The following TNIK variants were observed in gnomAD, a reference collection of about 807,000 sequenced individuals.
The protein encoded by TNIK is TRAF2 and NCK interacting kinase.
TNIK carries 49 observed loss-of-function variants against 191.3 expected under a neutral mutation model. That is an observed-to-expected ratio of 0.26 (90% confidence interval 0.20 to 0.32). The LOEUF is 0.32. Ranked by LOEUF, TNIK falls within the 10% of genes least tolerant of loss-of-function variation. The pLI is 1.00. For missense variants in TNIK, 1,155 were observed against 1,702.3 expected (o/e 0.68, Z 5.66); for synonymous variants, 594 against 600.9 (o/e 0.99, Z 0.17).
intron 2 of TNIK, among the ~76,000 whole-genome samples, chr3:171,279,929 T>A (rs1750231128): frequency 6.6e-6 from 1 of 152,148 alleles, no homozygotes; most frequent in African/African-American, 2.4e-5. Context: ...CCCCCAGGTA[T>A]CAGTACATAC....
chr3:171,323,855 A>G (rs1253131499), intron 2 of TNIK, among the ~76,000 whole-genome samples: 1 of 152,114 alleles, frequency 6.6e-6, no homozygotes, highest in Non-Finnish European at 1.5e-5. Flanking sequence ...TCTGATTAAG[A>G]TGGTATCTCC....
At position 171,085,158 on chromosome 3, in the gene TNIK, G is replaced by A; in HGVS notation, c.2958C>T (p.Pro986=). Residue 986 remains proline (P), a synonymous_variant, in exon 25 of 33, where the codon CCC becomes CCT. Transcript: ENST00000436636. ...CCTCATCCTCTTCATCTTCATCAGT[G>A]GGAGACGTCTGGTATACTCTGGGGT... ...FVDPRVYQTS[P]TDEDEEDEES... 6.2e-7 allele frequency: 1 copy of A among 1,611,800 alleles called. No homozygotes were observed. Among genetic ancestry groups the A allele is most frequent in the Non-Finnish European group, 8.5e-7 (1 of 1,179,024 alleles).
intron 2 of TNIK, among the ~76,000 whole-genome samples, chr3:171,318,195 CT>C (rs908072862): frequency 3.0e-4 from 46 of 152,234 alleles, no homozygotes; most frequent in African/African-American, 1.1e-3. Context: ...TGAAATGTCT[CT>C]GGAAACAGGT....
At chr3:171,296,530 G>A (rs1307545769) in intron 2 of TNIK, among the ~76,000 whole-genome samples, 1 of 152,178 alleles carries the variant, frequency 6.6e-6, no homozygotes, top group Non-Finnish European at 1.5e-5. Context: ...CATGGACTGT[G>A]GGTTCTGGAG....
intron 1 of TNIK, among the ~76,000 whole-genome samples, chr3:171,401,803 T>C (rs550792539): frequency 1.3e-5 from 2 of 152,302 alleles, no homozygotes; most frequent in Non-Finnish European, 2.9e-5. Context: ...ATCAACCTCA[T>C]AGGGCTGTTG....
At chr3:171,069,778 G>A (rs896165378) in intron 29 of TNIK, among the ~76,000 whole-genome samples, 1 of 152,326 alleles carries the variant, frequency 6.6e-6, no homozygotes, top group East Asian at 1.9e-4. Flanking sequence ...ATCTGGGAGA[G>A]CATTTGTGAA....
chr3:171,233,135 A>C (rs1875446), intron 2 of TNIK, among the ~76,000 whole-genome samples: 124,689 of 152,216 alleles, frequency 0.82, 51,775 homozygotes, highest in African/African-American at 0.95. Flanking sequence ...TGCCAAAGGA[A>C]GCTCACACAC....
At chr3:171,451,349 G>C (rs1303994590) in intron 1 of TNIK, among the ~76,000 whole-genome samples, 1 of 152,188 alleles carries the variant, frequency 6.6e-6, no homozygotes, top group Non-Finnish European at 1.5e-5. Flanking sequence ...AAATCATCTT[G>C]GAAAGAGATC....
intron 3 of TNIK, among the ~76,000 whole-genome samples, chr3:171,223,950 A>G (rs1326929828): frequency 6.6e-6 from 1 of 151,998 alleles, no homozygotes; most frequent in East Asian, 1.9e-4. Context: ...TGAGAAATCA[A>G]CTCTCTCCAA....
chr3:171,363,850 C>A (rs755804799), intron 2 of TNIK, among the ~76,000 whole-genome samples: 9 of 152,256 alleles, frequency 5.9e-5, no homozygotes, highest in Non-Finnish European at 1.3e-4. Context: ...AAACTGTAAT[C>A]ATAAGCATAT....
chr3:171,378,848 G>A (rs1447424110), intron 1 of TNIK, among the ~76,000 whole-genome samples: 1 of 152,206 alleles, frequency 6.6e-6, no homozygotes, highest in Non-Finnish European at 1.5e-5. Flanking sequence ...TTTATCTGAG[G>A]TCTTATCCTA....
chr3:171,339,740 C>T (rs1757325399), intron 2 of TNIK, among the ~76,000 whole-genome samples: 1 of 152,212 alleles, frequency 6.6e-6, no homozygotes, highest in Non-Finnish European at 1.5e-5. Flanking sequence ...CTCTGGATGT[C>T]CTGATGCCAA....
intron 2 of TNIK, among the ~76,000 whole-genome samples, chr3:171,326,331 T>A (rs368623159): frequency 8.5e-5 from 13 of 152,202 alleles, no homozygotes; most frequent in African/African-American, 3.1e-4. Context: ...TTCAAGATAC[T>A]GATTCTCGTT....
chr3:171,407,291 A>G (rs1721819597), intron 1 of TNIK, among the ~76,000 whole-genome samples: 1 of 152,208 alleles, frequency 6.6e-6, no homozygotes, highest in Admixed American at 6.5e-5. Context: ...GAAACATCAT[A>G]CAGAAAATGC....
At chr3:171,455,002 T>C (rs1482677395) in intron 1 of TNIK, among the ~76,000 whole-genome samples, 1 of 152,226 alleles carries the variant, frequency 6.6e-6, no homozygotes, top group African/African-American at 2.4e-5. Flanking sequence ...AAGGTTTTAA[T>C]GAACAATGCT....
At chr3:171,150,715 C>T (rs1389048290) in intron 12 of TNIK, among the ~76,000 whole-genome samples, 8 of 152,172 alleles carry the variant, frequency 5.3e-5, no homozygotes, top group African/African-American at 1.9e-4. Flanking sequence ...AACAAGAAAT[C>T]CGCAAAAGGA....
intron 2 of TNIK, among the ~76,000 whole-genome samples, chr3:171,276,154 T>C (rs528440794): frequency 5.9e-5 from 9 of 152,190 alleles, no homozygotes; most frequent in Admixed American, 1.3e-4. Context: ...ATCCTAATCA[T>C]CAACCAAAGA....
intron 18 of TNIK, among the ~76,000 whole-genome samples, chr3:171,117,583 A>C (rs1195532580): frequency 1.3e-5 from 2 of 152,230 alleles, no homozygotes; most frequent in African/African-American, 4.8e-5. Context: ...TGAATCAGGC[A>C]AAAGGCAAGG....
At chr3:171,135,491 T>C (rs1377025380) in intron 15 of TNIK, among the ~76,000 whole-genome samples, 1 of 152,252 alleles carries the variant, frequency 6.6e-6, no homozygotes, top group East Asian at 1.9e-4. Context: ...TTCATCTTTC[T>C]TCTAAAATAT....
Sources: gnomAD v4.1 joint callset for allele counts (sites outside exome capture counted in the v4.1 genomes callset) on GRCh38, gnomAD v4.1.1 for gene constraint, MANE v1.5 for transcripts, NCBI Gene and HGNC (gene_info 2026-07-23, HGNC 2026-07-21) for gene names.